Variants in TMEM178B observed in about 807,000 individuals in gnomAD.
TMEM178B encodes transmembrane protein 178B.
In TMEM178B, 5 loss-of-function variants were observed where a neutral mutation model predicts 31.0. That is an observed-to-expected ratio of 0.16 (90% CI 0.08 to 0.34). The LOEUF is 0.34. TMEM178B is among the 10% of genes least tolerant of loss of function. The pLI is 1.00. For synonymous variants in TMEM178B, 164 were observed against 164.0 expected (o/e 1.00, Z 0.00); for missense variants, 275 against 400.3 (o/e 0.69, Z 2.67).
intron 2 of TMEM178B, among the ~76,000 whole-genome samples, chr7:141,266,668 C>T (rs1195730442): frequency 1.3e-5 from 2 of 152,190 alleles, no homozygotes; most frequent in African/African-American, 2.4e-5. Flanking sequence ...TCTCTGCGAG[C>T]CATTGGTGCC....
chr7:141,348,433 G>A (rs1004318134), intron 2 of TMEM178B, among the ~76,000 whole-genome samples: 18 of 152,284 alleles, frequency 1.2e-4, no homozygotes, highest in Admixed American at 3.3e-4. Context: ...GTGAAGGAAC[G>A]GCATTCCGAC....
intron 2 of TMEM178B, among the ~76,000 whole-genome samples, chr7:141,270,953 T>G (rs557826858): frequency 1.3e-5 from 2 of 152,178 alleles, no homozygotes. Context: ...ATCTTCAACA[T>G]TGTGGATGGT....
intron 2 of TMEM178B, among the ~76,000 whole-genome samples, chr7:141,414,015 T>A (rs1207618274): frequency 6.6e-6 from 1 of 151,928 alleles, no homozygotes; most frequent in Non-Finnish European, 1.5e-5. Flanking sequence ...CAGGAGCAGA[T>A]AAAACATACA....
In TMEM178B at chr7:141,477,895, C is replaced by G. The variant is rs568206997; in HGVS notation, c.*7109C>G. ...TCAGAGTCCAGAGCCTTCTATCTAC[C>G]GTTTCATTCTCAGATTCCTTTTCCC... On this transcript the variant is annotated 3_prime_UTR_variant, in exon 4 of 4. Coordinates refer to ENST00000565468, the MANE Select transcript of TMEM178B (RefSeq NM_001195278.2). 4 of 152,244 alleles carry G rather than the reference C, an allele frequency of 2.6e-5. No individual in the cohort carries two copies. The highest frequency in any genetic ancestry group is 7.2e-5 in the African/African-American group (3 of 41,426). 9.4% of individuals were successfully genotyped at this position (152,244 alleles called of 1,614,324 possible).
downstream of TMEM178B, among the ~76,000 whole-genome samples, chr7:141,484,219 G>A (rs1432745095): frequency 6.6e-6 from 1 of 152,198 alleles, no homozygotes; most frequent in Non-Finnish European, 1.5e-5. The surrounding 1 kb of genome is among the most constrained non-coding windows in gnomAD (Gnocchi z 4.8). Context: ...ACAGCTATGT[G>A]TAATAAAATC....
chr7:141,204,514 G>C (rs989702778), intron 1 of TMEM178B, among the ~76,000 whole-genome samples: 4 of 152,158 alleles, frequency 2.6e-5, no homozygotes, highest in Non-Finnish European at 5.9e-5. Flanking sequence ...GGAGGTGAAC[G>C]GAGGGGATGT....
In TMEM178B at chr7:141,324,031, A is replaced by G. The variant is rs543543150; in HGVS notation, c.496+111327A>G. Among the ~76,000 whole-genome samples, 97 of 152,232 alleles carry G rather than the reference A, an allele frequency of 6.4e-4. 1 individual carries two copies. In the South Asian group the frequency reaches 0.019, roughly 30 times the overall value. The stretch of plus-strand genomic sequence containing the variant: ...TGTCCTGAGGCATCGAGATGCTGGT[A>G]CATTCAAGAAACTGCCTGGAGGTCA... On this transcript the variant is annotated intron_variant, in intron 2 of 3. Coordinates refer to ENST00000565468, the MANE Select transcript of TMEM178B (RefSeq NM_001195278.2).
chr7:141,230,062 C>T (rs1797416402), intron 2 of TMEM178B, among the ~76,000 whole-genome samples: 2 of 152,278 alleles, frequency 1.3e-5, no homozygotes, highest in South Asian at 4.1e-4. Context: ...TTAATTACTT[C>T]ATCATATTCT....
At chr7:141,201,391 G>T (rs1796875539) in intron 1 of TMEM178B, among the ~76,000 whole-genome samples, 1 of 152,200 alleles carries the variant, frequency 6.6e-6, no homozygotes, top group African/African-American at 2.4e-5. Context: ...TGTGGTTGGG[G>T]GAGCCGGGAA....
At chr7:141,388,081 A>G (rs1234544065) in intron 2 of TMEM178B, among the ~76,000 whole-genome samples, 2 of 152,174 alleles carry the variant, frequency 1.3e-5, no homozygotes, top group Non-Finnish European at 2.9e-5. Flanking sequence ...CGCAGATGAC[A>G]TTATACGACA....
chr7:141,195,232 G>T (rs952500876), intron 1 of TMEM178B, among the ~76,000 whole-genome samples: 1 of 152,074 alleles, frequency 6.6e-6, no homozygotes, highest in Non-Finnish European at 1.5e-5. Context: ...CTTTTCTATC[G>T]CATAGTTAGG....
At chr7:141,335,307 A>T (rs1799365763) in intron 2 of TMEM178B, among the ~76,000 whole-genome samples, 1 of 152,036 alleles carries the variant, frequency 6.6e-6, no homozygotes, top group Non-Finnish European at 1.5e-5. Flanking sequence ...ACTGAGGTCA[A>T]CCCTCTTCTC....
intron 2 of TMEM178B, among the ~76,000 whole-genome samples, chr7:141,285,150 GTTTCT>G (rs1798426020): frequency 5.1e-5 from 4 of 78,968 alleles, no homozygotes; most frequent in African/African-American, 1.4e-4. Flanking sequence ...CAGGATTCTT[GTTTCT>G]TTTTTTTTTT....
At chr7:141,139,573 G>C (rs1009467298) in intron 1 of TMEM178B, among the ~76,000 whole-genome samples, 3 of 151,734 alleles carry the variant, frequency 2.0e-5, no homozygotes, top group African/African-American at 7.3e-5. Flanking sequence ...GAACTCCTGG[G>C]CTCAAGCGAT....
chr7:141,219,436 G>A (rs934447445), intron 2 of TMEM178B, among the ~76,000 whole-genome samples: 9 of 152,082 alleles, frequency 5.9e-5, no homozygotes, highest in Non-Finnish European at 1.2e-4. Context: ...TACTGTTTGC[G>A]ATCTGTTGTT....
chr7:141,078,540 T>G (rs1794633341), intron 1 of TMEM178B, among the ~76,000 whole-genome samples: 6 of 152,198 alleles, frequency 3.9e-5, no homozygotes, highest in Admixed American at 3.9e-4. Flanking sequence ...ATGCATAAGA[T>G]CTGGTCCTCA....
In TMEM178B at chr7:141,112,316, G is replaced by A. The variant is rs1255598866; in HGVS notation, c.382+37624G>A. Among the ~76,000 whole-genome samples the A allele has an allele frequency of 3.3e-5, 5 of 152,264 alleles. No homozygotes were observed. In the South Asian group the frequency reaches 6.2e-4, roughly 19 times the overall value. ...TCATCATGCTAGAGTGCAATGGCAT[G>A]ACCACGGCTCACTGTAGCCTTGATT... is the stretch of plus-strand genomic sequence containing the variant. On this transcript the variant is annotated intron_variant, in intron 1 of 3. Transcript: ENST00000565468.
intron 1 of TMEM178B, among the ~76,000 whole-genome samples, chr7:141,145,170 G>A (rs1586794149): frequency 1.3e-5 from 2 of 152,284 alleles, no homozygotes; most frequent in Non-Finnish European, 2.9e-5. Flanking sequence ...GTGGACCCTC[G>A]GTTGCCCCTT....
chr7:141,369,316 C>CGT (rs55960871), intron 2 of TMEM178B, among the ~76,000 whole-genome samples: 8,678 of 138,328 alleles, frequency 0.063, 287 homozygotes, highest in Non-Finnish European at 0.073. Flanking sequence ...TCCGCGCCGA[C>CGT]GTGTGTGTGT....
Sources: gnomAD v4.1 joint callset for allele counts (sites outside exome capture counted in the v4.1 genomes callset) on GRCh38, gnomAD v4.1.1 for gene constraint, Gnocchi (gnomAD v3.1) non-coding constraint, MANE v1.5 for transcripts, NCBI Gene and HGNC (gene_info 2026-07-23, HGNC 2026-07-21) for gene names.